The following ADAM15 variants were observed in gnomAD, a reference collection of about 807,000 sequenced individuals.
ADAM15 encodes disintegrin and metalloproteinase domain-containing protein 15.
In ADAM15, 77 loss-of-function variants were observed where a neutral mutation model predicts 113.8. The ratio of observed to expected loss-of-function variants is 0.68; its 90% CI spans 0.56 to 0.82. ADAM15 has a LOEUF of 0.82. ADAM15 is among the 40% of genes least tolerant of loss of function. The pLI is 0.00. For synonymous variants in ADAM15, 388 were observed against 454.1 expected, an observed-to-expected ratio of 0.85 and a Z score of 1.85; for missense variants, 963 against 1,120.1, an observed-to-expected ratio of 0.86 and a Z score of 2.00.
chr1:155,059,378 C>T (rs1315785287), intron 16 of ADAM15, among the ~76,000 whole-genome samples: 1 of 152,108 alleles, frequency 6.6e-6, no homozygotes, highest in East Asian at 1.9e-4. Flanking sequence ...AATCACAGTA[C>T]TTTGGGAGGC....
Position 155,059,216 on chromosome 1 carries a change from C to T in ADAM15, c.1995+429C>T, listed in dbSNP as rs548830770. Among the ~76,000 whole-genome samples, 141 of 152,220 alleles carry T rather than the reference C, an allele frequency of 9.3e-4. 1 individual carries two copies. The South Asian group carries it at 0.013, about 15-fold the overall frequency. ...CCTACTCGCTGGGATTACAGTCACC[C>T]GCCACCATGCCCAGCTAATTTTTGT... On this transcript the variant is annotated intron_variant, in intron 16 of 22. Coordinates refer to ENST00000356955, the MANE Select transcript of ADAM15 (RefSeq NM_207197.3).
Position 155,056,574 on chromosome 1 carries a change from C to T in ADAM15, c.999+104C>T. On this transcript the variant is annotated intron_variant, in intron 10 of 22. Transcript: ENST00000356955. The surrounding 1 kb of genome is among the most constrained non-coding windows in gnomAD (Gnocchi z 4.0). The stretch of plus-strand genomic sequence containing the variant: ...CCTATAAAGTTGCCCAACCCCAAAG[C>T]TACAGGTATAGAGGGTGGAGGTACG... 2.6e-6 allele frequency: 3 copies of T among 1,148,118 alleles called. No homozygotes were observed. Among genetic ancestry groups the T allele is most frequent in the Non-Finnish European group, 3.8e-6 (3 of 791,186 alleles). 71.1% of individuals were successfully genotyped at this position (1,148,118 alleles called of 1,614,324 possible).
intron 16 of ADAM15, among the ~76,000 whole-genome samples, chr1:155,059,039 T>C (rs539722575): frequency 6.6e-6 from 1 of 152,254 alleles, no homozygotes; most frequent in Admixed American, 6.5e-5. Context: ...GCACAATGGC[T>C]CATGCCTATA....
chr1:155,053,305 C>A, intron 2 of ADAM15, 112 bp from the exon 3 acceptor site: 2 of 960,880 alleles, frequency 2.1e-6, no homozygotes, highest in Non-Finnish European at 3.3e-6. Context: ...TGGGATCCCC[C>A]CACCAGTGAT....
chr1:155,056,180 A>T lies in ADAM15; in HGVS notation c.845A>T (p.Glu282Val). ...EISPNPAVTL[E>V]NFLHWRRAHL... ...AGCCCAAACCCAGCTGTCACCCTCG[A>T]AAACTTCCTCCACTGGCGCAGGGCA... Residue 282 changes from glutamate to valine, a missense_variant, in exon 9 of 23, where the codon GAA (glutamate) becomes GTA (valine). Physicochemically the swap from Glu to Val is moderately radical, Grantham distance 121 (BLOSUM62 -2). Coordinates refer to ENST00000356955, the MANE Select transcript of ADAM15 (RefSeq NM_207197.3). The surrounding 1 kb of genome is among the most constrained non-coding windows in gnomAD (Gnocchi z 4.0). 6.2e-7 allele frequency: 1 copy of T among 1,614,036 alleles called. No homozygotes were observed. The highest frequency in any genetic ancestry group is 8.5e-7 in the Non-Finnish European group (1 of 1,180,028).
intron 20 of ADAM15, 53 bp from the exon 21 acceptor site, chr1:155,061,851 T>G: frequency 6.8e-7 from 1 of 1,475,114 alleles, no homozygotes; most frequent in Non-Finnish European, 9.1e-7. Context: ...TCTCTGTGCA[T>G]GTCCACAGCC....
rs1558130295 is a variant in ADAM15 at position 155,058,811 on chromosome 1, A to G, written c.1995+24A>G. ...GGGTGAGCTGGGATGGGGGAAGTGG[A>G]AGGGGAGCAGAGAGCCTCTAGAGAG... On this transcript the variant is annotated intron_variant, in intron 16 of 22. Transcript: ENST00000356955. This position sits in a 1 kb window ranked among gnomAD's most constrained non-coding sequence, Gnocchi z 4.3. The G allele has an allele frequency of 1.9e-6, 3 of 1,602,894 alleles. No homozygotes were observed. The South Asian group carries it at 3.3e-5, about 18-fold the overall frequency.
chr1:155,058,236 C>A lies in ADAM15; in HGVS notation c.1722-10C>A. ...CTACTAACTCTGTGTGCCCTTCCCC[C>A]TCCCCACAGAGATGCCATTTGTGGG... On this transcript the variant is annotated splice_polypyrimidine_tract_variant and intron_variant, in intron 14 of 22. Coordinates refer to ENST00000356955, the MANE Select transcript of ADAM15 (RefSeq NM_207197.3). The surrounding 1 kb of genome is among the most constrained non-coding windows in gnomAD (Gnocchi z 4.3). 6.2e-7 allele frequency: 1 copy of A among 1,614,026 alleles called. No individual in the cohort carries two copies. The highest frequency in any genetic ancestry group is 8.5e-7 in the Non-Finnish European group (1 of 1,179,994).
chr1:155,053,176 C>T (rs1009023536), intron 2 of ADAM15, among the ~76,000 whole-genome samples: 2 of 141,438 alleles, frequency 1.4e-5, no homozygotes, highest in African/African-American at 2.7e-5. Flanking sequence ...GGGTCCTACA[C>T]GGTGCTTCCT....
Position 155,060,339 on chromosome 1 carries a change from T to C in ADAM15, c.2203T>C (p.Tyr735His). 6.2e-7 allele frequency: 1 copy of C among 1,614,000 alleles called. No individual in the cohort carries two copies. Among genetic ancestry groups the C allele is most frequent in the Non-Finnish European group, 8.5e-7 (1 of 1,179,940 alleles). The part of the protein sequence containing the change: ...LCQLKGPTCQ[Y>H]RAAQSGPSER... ...CCAGCTCAAGGGACCCACCTGCCAG[T>C]ACAGGTATGAGCATCACCTCCCTGC... The change falls in exon 18 of 23, where the codon TAC becomes CAC. Residue 735 changes from tyrosine to histidine, a missense_variant. Transcript: ENST00000356955.
intron 20 of ADAM15, 45 bp downstream of exon 20, chr1:155,061,534 G>T (rs776382185): frequency 1.3e-6 from 2 of 1,577,558 alleles, no homozygotes; most frequent in Non-Finnish European, 1.7e-6. Flanking sequence ...CAGGTGGGAG[G>T]CTTGGTACCC....
chr1:155,057,782 G>A lies in ADAM15; in HGVS notation c.1416+53G>A, dbSNP rs576495151. On this transcript the variant is annotated intron_variant, in intron 13 of 22. Transcript: ENST00000356955. This position sits in a 1 kb window ranked among gnomAD's most constrained non-coding sequence, Gnocchi z 5.0. ...GAGCTCACCTGCCGGGGCCAAGGTG[G>A]AAAGGGTCATTCTGACCCCCGGCTG... is the stretch of plus-strand genomic sequence containing the variant. 2.2e-5 allele frequency: 36 copies of A among 1,613,860 alleles called. No individual in the cohort carries two copies. The Admixed American group carries it at 5.0e-4, about 22-fold the overall frequency.
chr1:155,051,573 GC>G, intron 1 of ADAM15, 108 bp downstream of exon 1: 1 of 1,109,148 alleles, frequency 9.0e-7, no homozygotes, highest in Non-Finnish European at 1.2e-6. Flanking sequence ...GGAGAGCCCA[GC>G]CAGAGCGCGG....
Position 155,052,253 on chromosome 1 carries a change from G to A in ADAM15, c.80-418G>A, listed in dbSNP as rs143337734. 740 of 522,320 alleles carry A rather than the reference G, an allele frequency of 1.4e-3. 4 individuals carry two copies. The highest frequency in any genetic ancestry group is 0.013 in the African/African-American group (663 of 52,352). The allele number at this position is 522,320 out of a possible 1,614,324, so 32.4% of individuals were successfully genotyped here. ...TGCTCACCCAGAAATGGGCGTTCCT[G>A]GCATCTCCGATGTGAGCGAAGGGGA... On this transcript the variant is annotated intron_variant, in intron 1 of 22. Transcript: ENST00000356955.
intron 16 of ADAM15, 45 bp from the exon 17 acceptor site, chr1:155,059,857 G>C (rs758659718): frequency 2.5e-5 from 39 of 1,586,242 alleles, no homozygotes; most frequent in Non-Finnish European, 3.3e-5. Context: ...CAAGGAAATA[G>C]TTCCAGAGTG....
At chr1:155,055,687 C>T in intron 6 of ADAM15, 103 bp from the exon 7 acceptor site, 1 of 1,297,560 alleles carries the variant, frequency 7.7e-7, no homozygotes, top group Non-Finnish European at 1.1e-6. Context: ...CTTCACCCTC[C>T]TATTTGACCC....
In ADAM15 at chr1:155,057,659, A is replaced by C. The variant is rs1661966128; in HGVS notation, c.1346A>C (p.Asp449Ala). Residue 449 changes from aspartate (D) to alanine (A), a missense_variant, in exon 13 of 23, where the codon GAT becomes GCT. Transcript: ENST00000356955. This position sits in a 1 kb window ranked among gnomAD's most constrained non-coding sequence, Gnocchi z 5.0. ...CAGGACTGCGTCGATCCCTGCTGTG[A>C]TTCTTTGACCTGCCAGCTGAGGCCA... ...FLDDCVDPCC[D>A]SLTCQLRPGA... 2 of 1,614,136 alleles carry C rather than the reference A, an allele frequency of 1.2e-6. No individual in the cohort carries two copies. Among genetic ancestry groups the C allele is most frequent in the Non-Finnish European group, 1.7e-6 (2 of 1,180,018 alleles).
chr1:155,062,677 CG>C lies in ADAM15; in HGVS notation c.*180del, dbSNP rs1662813968. 2 of 862,002 alleles carry C rather than the reference CG, an allele frequency of 2.3e-6. No individual in the cohort carries two copies. Among genetic ancestry groups the C allele is most frequent in the African/African-American group, 1.7e-5 (1 of 58,616 alleles). 53.4% of individuals were successfully genotyped at this position (862,002 alleles called of 1,614,324 possible). ...TGCGGACCTGCCGGCGTAGTTGCAG[CG>C]GGGGCTTGGGGAGGGGCTGGGGGTT... On this transcript the variant is annotated 3_prime_UTR_variant, in exon 23 of 23. Coordinates refer to ENST00000356955, the MANE Select transcript of ADAM15 (RefSeq NM_207197.3). This position sits in a 1 kb window ranked among gnomAD's most constrained non-coding sequence, Gnocchi z 7.0.
At chr1:155,055,523 G>C (rs1003116715) in intron 6 of ADAM15, 2 of 482,622 alleles carry the variant, frequency 4.1e-6, no homozygotes, top group Non-Finnish European at 3.8e-6. Flanking sequence ...ACCGCACCCA[G>C]CTAAATTACT....
Sources: gnomAD v4.1 joint callset for allele counts (sites outside exome capture counted in the v4.1 genomes callset) on GRCh38, gnomAD v4.1.1 for gene constraint, Gnocchi (gnomAD v3.1) non-coding constraint, MANE v1.5 for transcripts, NCBI Gene and HGNC (gene_info 2026-07-23, HGNC 2026-07-21) for gene names.